CSMD1: variants seen among roughly 807,000 people sequenced by gnomAD.
CSMD1 encodes the protein CUB and sushi domain-containing protein 1.
CSMD1 carries 213 observed loss-of-function variants against 417.5 expected under a neutral mutation model. The observed-to-expected ratio is 0.51, with a 90% CI of 0.46 to 0.57. CSMD1 has a LOEUF of 0.57. Ranked by LOEUF, CSMD1 falls within the 20% of genes least tolerant of loss-of-function variation. The pLI is 0.00. For missense variants in CSMD1, 6,923 were observed against 4,529.7 expected, an observed-to-expected ratio of 1.53 and a Z score of -15.17; for synonymous variants, 2,862 against 1,736.8, an observed-to-expected ratio of 1.65 and a Z score of -16.11.
chr8:4,394,163 T>C (rs1410995957), intron 3 of CSMD1, among the ~76,000 whole-genome samples: 4 of 152,190 alleles, frequency 2.6e-5, no homozygotes, highest in African/African-American at 9.7e-5. Context: ...ATTTGAACTA[T>C]CATCCAACAT....
At chr8:4,821,129 C>G (rs1005161351) in intron 1 of CSMD1, among the ~76,000 whole-genome samples, 1 of 152,116 alleles carries the variant, frequency 6.6e-6, no homozygotes, top group Non-Finnish European at 1.5e-5. Context: ...TTGTATCAGG[C>G]AAGACGCCGA....
intron 54 of CSMD1, among the ~76,000 whole-genome samples, chr8:2,985,832 C>T (rs575231032): frequency 4.0e-5 from 6 of 151,514 alleles, no homozygotes; most frequent in Non-Finnish European, 5.9e-5. Flanking sequence ...ACAAGGAAAC[C>T]GGAAATGTGC....
At chr8:3,030,118 G>A (rs981104473) in intron 50 of CSMD1, among the ~76,000 whole-genome samples, 3 of 152,030 alleles carry the variant, frequency 2.0e-5, no homozygotes, top group Non-Finnish European at 4.4e-5. Flanking sequence ...CTAGAATATA[G>A]CAGTTACTTA....
chr8:4,925,998 G>C (rs1563784270), intron 1 of CSMD1, among the ~76,000 whole-genome samples: 1 of 151,998 alleles, frequency 6.6e-6, no homozygotes, highest in Non-Finnish European at 1.5e-5. Flanking sequence ...TTCTTTCCAG[G>C]TTATATTTAA....
chr8:4,986,594 A>G (rs1397881727), intron 1 of CSMD1, among the ~76,000 whole-genome samples: 1 of 151,942 alleles, frequency 6.6e-6, no homozygotes, highest in African/African-American at 2.4e-5. Context: ...ACTAAACAGT[A>G]AAAGAAAAAA....
chr8:3,568,116 TA>T (rs1037588079), intron 10 of CSMD1, among the ~76,000 whole-genome samples: 1 of 152,170 alleles, frequency 6.6e-6, no homozygotes, highest in Non-Finnish European at 1.5e-5. Flanking sequence ...AAATATATAA[TA>T]AAACAAACTT....
intron 5 of CSMD1, among the ~76,000 whole-genome samples, chr8:3,770,615 G>A (rs1269369320): frequency 6.6e-6 from 1 of 152,118 alleles, no homozygotes; most frequent in East Asian, 1.9e-4. Flanking sequence ...ATAAATGAAG[G>A]GAAGAAGGGT....
At chr8:4,107,743 G>A (rs1270359062) in intron 3 of CSMD1, among the ~76,000 whole-genome samples, 1 of 152,120 alleles carries the variant, frequency 6.6e-6, no homozygotes, top group Non-Finnish European at 1.5e-5. Flanking sequence ...AGGGAGGGAC[G>A]CTGCGGTTTG....
At chr8:3,193,739 C>T (rs1796552176) in intron 33 of CSMD1, among the ~76,000 whole-genome samples, 1 of 152,162 alleles carries the variant, frequency 6.6e-6, no homozygotes, top group African/African-American at 2.4e-5. Flanking sequence ...CGTGTTTCTT[C>T]AGAGGCAGAA....
At chr8:3,959,303 C>T (rs946283354) in intron 5 of CSMD1, among the ~76,000 whole-genome samples, 1 of 152,110 alleles carries the variant, frequency 6.6e-6, no homozygotes, top group African/African-American at 2.4e-5. Context: ...GTGGGATCAG[C>T]CTGGGCAACA....
In CSMD1 at chr8:4,637,237, G is replaced by C. The variant is rs1449810613; in HGVS notation, c.302+105C>G. The C allele has an allele frequency of 9.8e-6, 10 of 1,021,662 alleles. No individual in the cohort carries two copies. The South Asian group carries it at 1.6e-4, about 16-fold the overall frequency. The allele number at this position is 1,021,662 out of a possible 1,614,324, so 63.3% of individuals were successfully genotyped here. The stretch of plus-strand genomic sequence containing the variant: ...CAGCGAGGCCACGAACCCACCGGAA[G>C]GAACCAACTCCGGACACAATAATAA... On this transcript the variant is annotated intron_variant, in intron 2 of 69. Coordinates refer to ENST00000635120, the MANE Select transcript of CSMD1 (RefSeq NM_033225.6).
intron 5 of CSMD1, among the ~76,000 whole-genome samples, chr8:3,796,943 A>G (rs187546805): frequency 1.6e-4 from 25 of 151,914 alleles, no homozygotes; most frequent in African/African-American, 5.8e-4. Flanking sequence ...GTTAATATGT[A>G]ATGAAGATGA....
At chr8:3,077,119 A>T (rs1442411019) in intron 49 of CSMD1, among the ~76,000 whole-genome samples, 1 of 152,168 alleles carries the variant, frequency 6.6e-6, no homozygotes, top group Non-Finnish European at 1.5e-5. Context: ...ATGTATTTGA[A>T]AGCAGAGACT....
At chr8:4,821,113 T>G (rs941028202) in intron 1 of CSMD1, among the ~76,000 whole-genome samples, 4 of 152,000 alleles carry the variant, frequency 2.6e-5, no homozygotes, top group African/African-American at 9.7e-5. Context: ...ATACTTAAGA[T>G]CTCGGTTGTA....
chr8:3,338,071 G>A (rs2117581828), intron 23 of CSMD1, among the ~76,000 whole-genome samples: 1 of 152,288 alleles, frequency 6.6e-6, no homozygotes, highest in Admixed American at 6.5e-5. Flanking sequence ...CAGGCGTTGT[G>A]GGATTGGAAT....
intron 1 of CSMD1, among the ~76,000 whole-genome samples, chr8:4,876,945 TA>T (rs1803080983): frequency 6.6e-6 from 1 of 152,092 alleles, no homozygotes; most frequent in South Asian, 2.1e-4. Context: ...CAAAAATTAT[TA>T]CACATTATGT....
At chr8:3,481,449 GT>G (rs1563079350) in intron 11 of CSMD1, among the ~76,000 whole-genome samples, 1 of 152,144 alleles carries the variant, frequency 6.6e-6, no homozygotes. Flanking sequence ...TGCAAGTGCA[GT>G]TTCCATACTT....
At chr8:4,221,743 G>A (rs912269822) in intron 3 of CSMD1, among the ~76,000 whole-genome samples, 5 of 152,204 alleles carry the variant, frequency 3.3e-5, no homozygotes, top group Non-Finnish European at 5.9e-5. Flanking sequence ...ACTATGGGAT[G>A]CTGGGCTAGC....
At chr8:3,605,347 A>G (rs1367623891) in intron 8 of CSMD1, among the ~76,000 whole-genome samples, 3 of 152,224 alleles carry the variant, frequency 2.0e-5, no homozygotes, top group South Asian at 2.1e-4. Context: ...TACACAGTCC[A>G]TAAGTGCAAT....
Sources: allele counts gnomAD v4.1 joint callset (sites outside exome capture counted in the v4.1 genomes callset), GRCh38; gene constraint gnomAD v4.1.1; transcripts MANE v1.5; gene names NCBI Gene and HGNC (gene_info 2026-07-23, HGNC 2026-07-21).